TEX36: variants seen among roughly 807,000 people sequenced by gnomAD.
TEX36 encodes the protein testis-expressed protein 36.
TEX36 carries 12 observed loss-of-function variants against 13.6 expected under a neutral mutation model. That is an observed-to-expected ratio of 0.88 (90% CI 0.56 to 1.43). The LOEUF (loss-of-function observed/expected upper bound fraction) is 1.43, where lower values mean the gene tolerates loss of function less well. TEX36 is among the 40% of genes most tolerant of loss of function. TEX36 has a pLI of 0.00. For synonymous variants in TEX36, 93 were observed against 83.0 expected (o/e 1.12, Z -0.65); for missense variants, 224 against 228.3 (o/e 0.98, Z 0.12).
chr10:125,643,428 C>A (rs140448743), intron 3 of TEX36, among the ~76,000 whole-genome samples: 1 of 151,938 alleles, frequency 6.6e-6, no homozygotes, highest in Non-Finnish European at 1.5e-5. Flanking sequence ...GCGAACATGG[C>A]GAAACCCTAT....
chr10:125,636,491 G>A (rs907774773), intron 3 of TEX36, among the ~76,000 whole-genome samples: 13 of 152,102 alleles, frequency 8.5e-5, no homozygotes, highest in Non-Finnish European at 1.9e-4. Flanking sequence ...TAGGATTACG[G>A]GCGTGAGCCA....
chr10:125,679,416 G>A (rs1420022052), intron 1 of TEX36, among the ~76,000 whole-genome samples: 1 of 152,162 alleles, frequency 6.6e-6, no homozygotes, highest in Admixed American at 6.5e-5. Flanking sequence ...ATGGCACCTT[G>A]CTATAGCAGC....
At chr10:125,583,047 C>T (rs977936375) in intron 3 of TEX36, among the ~76,000 whole-genome samples, 5 of 152,170 alleles carry the variant, frequency 3.3e-5, no homozygotes, top group African/African-American at 9.7e-5. Context: ...TCCTATCCTA[C>T]CACACAATCA....
chr10:125,668,217 T>C (rs1036850243), intron 1 of TEX36, among the ~76,000 whole-genome samples: 1 of 152,210 alleles, frequency 6.6e-6, no homozygotes. Context: ...TCTTTAATAT[T>C]TTGAAATAGT....
chr10:125,600,945 A>G (rs901851856), intron 3 of TEX36, among the ~76,000 whole-genome samples: 1 of 152,236 alleles, frequency 6.6e-6, no homozygotes, highest in Non-Finnish European at 1.5e-5. Flanking sequence ...TGATGACCTT[A>G]GCAAGCAAGA....
At chr10:125,675,757 C>T (rs1399468155) in intron 1 of TEX36, among the ~76,000 whole-genome samples, 1 of 152,180 alleles carries the variant, frequency 6.6e-6, no homozygotes, top group East Asian at 1.9e-4. Flanking sequence ...CCTCAGTTGC[C>T]AGTGCAGGAT....
chr10:125,629,315 G>T (rs1846524415), intron 3 of TEX36, among the ~76,000 whole-genome samples: 1 of 152,176 alleles, frequency 6.6e-6, no homozygotes, highest in Admixed American at 6.5e-5. Flanking sequence ...CATGTTCTGA[G>T]AAACCTGTTT....
chr10:125,662,991 T>A (rs775976696), intron 1 of TEX36, among the ~76,000 whole-genome samples: 1 of 152,080 alleles, frequency 6.6e-6, no homozygotes, highest in Non-Finnish European at 1.5e-5. Context: ...GAATGGAAAT[T>A]AAAAAGACAA....
At chr10:125,604,570 T>C (rs1490289023) in intron 3 of TEX36, among the ~76,000 whole-genome samples, 1 of 152,114 alleles carries the variant, frequency 6.6e-6, no homozygotes, top group Non-Finnish European at 1.5e-5. Flanking sequence ...TCCCAGCACT[T>C]TGGGAGGCCG....
chr10:125,682,838 G>A, intron 1 of TEX36, 101 bp downstream of exon 1: 1 of 1,294,678 alleles, frequency 7.7e-7, no homozygotes, highest in Non-Finnish European at 1.1e-6. Flanking sequence ...TTTGTCAAAG[G>A]TCATGCTTCA....
intron 3 of TEX36, chr10:125,640,281 A>G (rs974313560): frequency 1.3e-5 from 11 of 867,998 alleles, no homozygotes; most frequent in Non-Finnish European, 1.5e-5. Flanking sequence ...TGTATTACCC[A>G]ATTTGGGAAC....
intron 3 of TEX36, among the ~76,000 whole-genome samples, chr10:125,593,456 C>T (rs1002064320): frequency 2.0e-5 from 3 of 152,186 alleles, no homozygotes; most frequent in African/African-American, 4.8e-5. Flanking sequence ...AGTAGCTTCT[C>T]TAGACCTCAG....
intron 3 of TEX36, among the ~76,000 whole-genome samples, chr10:125,601,562 T>C (rs1846147240): frequency 6.6e-6 from 1 of 152,274 alleles, no homozygotes; most frequent in South Asian, 2.1e-4. Flanking sequence ...TGTTTCTGGC[T>C]GAGTTATTAC....
intron 3 of TEX36, among the ~76,000 whole-genome samples, chr10:125,608,164 C>T (rs959299217): frequency 6.6e-6 from 1 of 152,090 alleles, no homozygotes; most frequent in African/African-American, 2.4e-5. Flanking sequence ...ACACTGTTCA[C>T]AATAAAGAGA....
intron 3 of TEX36, among the ~76,000 whole-genome samples, chr10:125,611,002 G>C (rs1565173845): frequency 6.6e-6 from 1 of 152,116 alleles, no homozygotes. Flanking sequence ...GCCTCCCTAT[G>C]AATTTTTCAG....
At chr10:125,678,816 C>T (rs911077414) in intron 1 of TEX36, among the ~76,000 whole-genome samples, 9 of 151,946 alleles carry the variant, frequency 5.9e-5, no homozygotes, top group African/African-American at 1.2e-4. Flanking sequence ...AGCTCAAGGA[C>T]GTGAGGCTCT....
At chr10:125,629,523 A>G (rs1188905326) in intron 3 of TEX36, among the ~76,000 whole-genome samples, 3 of 152,226 alleles carry the variant, frequency 2.0e-5, no homozygotes, top group African/African-American at 7.2e-5. Flanking sequence ...AATAAATGAG[A>G]TTGAGTAAAT....
At chr10:125,602,217 G>A (rs1446923739) in intron 3 of TEX36, among the ~76,000 whole-genome samples, 3 of 152,198 alleles carry the variant, frequency 2.0e-5, no homozygotes, top group African/African-American at 7.2e-5. Flanking sequence ...TGGTTTATGC[G>A]GGGTATGAGG....
chr10:125,681,219 A>G (rs12413009), intron 1 of TEX36, among the ~76,000 whole-genome samples: 4,299 of 152,304 alleles, frequency 0.028, 138 homozygotes, highest in African/African-American at 0.073. Flanking sequence ...GCAAAACAGA[A>G]TGCTGAAAAG....
Sources: gnomAD v4.1 joint callset for allele counts (sites outside exome capture counted in the v4.1 genomes callset) on GRCh38, gnomAD v4.1.1 for gene constraint, MANE v1.5 for transcripts, NCBI Gene and HGNC (gene_info 2026-07-23, HGNC 2026-07-21) for gene names.